Variants in FLACC1 observed in about 807,000 individuals in gnomAD.
FLACC1 encodes flagellum-associated coiled-coil domain-containing protein 1.
A neutral mutation model predicts 62.8 loss-of-function variants in FLACC1; 66 were observed. The ratio of observed to expected loss-of-function variants is 1.05; its 90% CI spans 0.86 to 1.29. The LOEUF (loss-of-function observed/expected upper bound fraction) is 1.29. FLACC1 is among the 50% of genes most tolerant of loss of function. The pLI, the probability that FLACC1 is intolerant of heterozygous loss-of-function variation, is 0.00. For synonymous variants in FLACC1, 156 were observed against 161.0 expected (o/e 0.97, Z 0.24); for missense variants, 452 against 489.1 (o/e 0.92, Z 0.71).
chr2:201,295,413 G>C (rs1949837312), intron 12 of FLACC1, among the ~76,000 whole-genome samples: 1 of 152,124 alleles, frequency 6.6e-6, no homozygotes, highest in African/African-American at 2.4e-5. Flanking sequence ...AATGGGGAAA[G>C]GATTCCTTAT....
chr2:201,313,911 C>T (rs1268184329), intron 9 of FLACC1, among the ~76,000 whole-genome samples: 2 of 152,166 alleles, frequency 1.3e-5, no homozygotes, highest in Non-Finnish European at 2.9e-5. Flanking sequence ...ACCCCCAATA[C>T]CAGCCTGGAA....
chr2:201,338,173 GT>G (rs1226342422), intron 7 of FLACC1, among the ~76,000 whole-genome samples: 1 of 152,212 alleles, frequency 6.6e-6, no homozygotes, highest in Non-Finnish European at 1.5e-5. Context: ...CAGTGTAAAT[GT>G]TATTGCCTTA....
chr2:201,332,318 G>A (rs915813014), intron 7 of FLACC1, among the ~76,000 whole-genome samples: 4 of 151,400 alleles, frequency 2.6e-5, no homozygotes, highest in Admixed American at 6.6e-5. Flanking sequence ...GCGCAATCTC[G>A]GCTCACTGCA....
rs917928307 is a variant in FLACC1, at chr2:201,289,296, T to C, written c.1142+161A>G. ...CTCCACCTCAAGTGAACTATCTGGC[T>C]TTGTGTCACTGGCCTAGAGTGACAT... On this transcript the variant is annotated intron_variant, in intron 14 of 14. Coordinates refer to ENST00000392257, the MANE Select transcript of FLACC1 (RefSeq NM_001127391.3). The C allele has an allele frequency of 3.0e-5, 19 of 624,980 alleles. No individual in the cohort carries two copies. In the African/African-American group the frequency reaches 3.3e-4, roughly 11 times the overall value. The allele number at this position is 624,980 out of a possible 1,614,324, so 38.7% of individuals were successfully genotyped here. A position where few individuals can be genotyped will look rare whatever the true frequency, so the allele number is the denominator to read the frequency against.
At chr2:201,340,285 T>C (rs1950780578) in intron 7 of FLACC1, among the ~76,000 whole-genome samples, 1 of 152,214 alleles carries the variant, frequency 6.6e-6, no homozygotes, top group Non-Finnish European at 1.5e-5. Flanking sequence ...TGTTAATTTT[T>C]GTTTTGTTGT....
In FLACC1 at chr2:201,327,046, C is replaced by T. The variant is rs192125092; in HGVS notation, c.675+3424G>A. ...ATATGTATAGCCAACTTATCTTTGA[C>T]AAAGCAAACAAAAACATAAATTGGG... On this transcript the variant is annotated intron_variant, in intron 9 of 14. Coordinates refer to ENST00000392257, the MANE Select transcript of FLACC1 (RefSeq NM_001127391.3). Among the ~76,000 whole-genome samples the T allele has an allele frequency of 2.2e-3, 341 of 152,188 alleles. 2 individuals are homozygous for T. Among genetic ancestry groups the T allele is most frequent in the African/African-American group, 7.8e-3 (323 of 41,528 alleles).
chr2:201,339,366 T>G (rs1950759894), intron 7 of FLACC1, among the ~76,000 whole-genome samples: 1 of 152,002 alleles, frequency 6.6e-6, no homozygotes, highest in African/African-American at 2.4e-5. Flanking sequence ...GAAGAATCTG[T>G]TTTTTTGCTG....
chr2:201,313,830 C>A (rs1455898991), intron 9 of FLACC1, among the ~76,000 whole-genome samples: 3 of 152,212 alleles, frequency 2.0e-5, no homozygotes, highest in African/African-American at 7.2e-5. Context: ...GCTACCTCTA[C>A]CAGAGCAGGT....
intron 7 of FLACC1, among the ~76,000 whole-genome samples, chr2:201,333,670 T>C (rs974295499): frequency 1.3e-5 from 2 of 151,628 alleles, no homozygotes; most frequent in African/African-American, 4.8e-5. Flanking sequence ...TTTTTTGTCC[T>C]TGCGATAGTT....
chr2:201,335,945 T>C (rs150380174), intron 7 of FLACC1, among the ~76,000 whole-genome samples: 4 of 152,180 alleles, frequency 2.6e-5, no homozygotes, highest in African/African-American at 4.8e-5. Context: ...ATAAATAGAA[T>C]TGTCTTCTTA....
chr2:201,294,576 G>A (rs1576410256), intron 12 of FLACC1, among the ~76,000 whole-genome samples: 1 of 152,260 alleles, frequency 6.6e-6, no homozygotes, highest in South Asian at 2.1e-4. Flanking sequence ...TACTGAATGG[G>A]CAAAAACTGG....
At chr2:201,299,391 T>A in intron 11 of FLACC1, 91 bp from the exon 12 acceptor site, 1 of 1,011,864 alleles carries the variant, frequency 9.9e-7, no homozygotes, top group East Asian at 2.4e-5. Context: ...TTCAGGAATA[T>A]AATATTCACC....
intron 9 of FLACC1, among the ~76,000 whole-genome samples, chr2:201,318,447 C>A: frequency 6.6e-6 from 1 of 152,020 alleles, no homozygotes; most frequent in East Asian, 1.9e-4. Flanking sequence ...CATGAATAGA[C>A]AATTCTCAAA....
intron 3 of FLACC1, among the ~76,000 whole-genome samples, chr2:201,348,991 C>G (rs2125621038): frequency 6.6e-6 from 1 of 152,292 alleles, no homozygotes; most frequent in South Asian, 2.1e-4. Flanking sequence ...TACATGGGAT[C>G]TGGGATAATC....
At chr2:201,332,470 A>G (rs1950613635) in intron 7 of FLACC1, among the ~76,000 whole-genome samples, 2 of 152,108 alleles carry the variant, frequency 1.3e-5, no homozygotes. Context: ...CTGGTCTTGA[A>G]CTCGTGACCT....
intron 10 of FLACC1, 58 bp downstream of exon 10, chr2:201,309,093 C>T: frequency 6.7e-7 from 1 of 1,485,836 alleles, no homozygotes; most frequent in Non-Finnish European, 9.4e-7. Context: ...CAAGACCAAA[C>T]TTCATGGCAG....
At chr2:201,359,078 G>T (rs1951161334), upstream of FLACC1, among the ~76,000 whole-genome samples, 1 of 152,222 alleles carries the variant, frequency 6.6e-6, no homozygotes, top group South Asian at 2.1e-4. Context: ...ACCTGACGAT[G>T]GCCCTGACTG....
chr2:201,348,004 C>G, intron 4 of FLACC1: 1 of 335,338 alleles, frequency 3.0e-6, no homozygotes, highest in Non-Finnish European at 5.5e-6. Context: ...CTCTGAGACA[C>G]TCTGTTTGTC....
chr2:201,337,042 C>G (rs1226512843), intron 7 of FLACC1, among the ~76,000 whole-genome samples: 1 of 152,146 alleles, frequency 6.6e-6, no homozygotes, highest in Non-Finnish European at 1.5e-5. Flanking sequence ...TTTGAGTCCT[C>G]TGTCAAATGA....
Sources: gnomAD v4.1 joint callset for allele counts (sites outside exome capture counted in the v4.1 genomes callset) on GRCh38, gnomAD v4.1.1 for gene constraint, MANE v1.5 for transcripts, NCBI Gene and HGNC (gene_info 2026-07-23, HGNC 2026-07-21) for gene names.